The following ADAMTS16 variants were observed in gnomAD, a reference collection of about 807,000 sequenced individuals.
ADAMTS16 encodes ADAM metallopeptidase with thrombospondin type 1 motif 16, also known as A disintegrin and metalloproteinase with thrombospondin motifs 16.
In ADAMTS16, 94 loss-of-function variants were observed where a neutral mutation model predicts 145.8. That is an observed-to-expected ratio of 0.64 (90% CI 0.55 to 0.77). The LOEUF is 0.77. ADAMTS16 is among the 30% of genes least tolerant of loss of function. ADAMTS16 has a pLI of 0.00. For synonymous variants in ADAMTS16, 659 were observed against 604.3 expected (o/e 1.09, Z -1.33); for missense variants, 1,585 against 1,591.5 (o/e 1.00, Z 0.07).
chr5:5,239,085 T>C, intron 14 of ADAMTS16, 66 bp from the exon 15 acceptor site: 1 of 1,384,198 alleles, frequency 7.2e-7, no homozygotes, highest in East Asian at 2.7e-5. Context: ...TTGCATGAGA[T>C]TGGTGACAGT....
At chr5:5,157,522 ACATGATG>A (rs971198146) in intron 3 of ADAMTS16, among the ~76,000 whole-genome samples, 4 of 152,184 alleles carry the variant, frequency 2.6e-5, no homozygotes, top group Non-Finnish European at 5.9e-5. Flanking sequence ...AATAGTAGTG[ACATGATG>A]CATCTGGTGG....
intron 8 of ADAMTS16, among the ~76,000 whole-genome samples, chr5:5,192,688 G>A (rs548792773): frequency 3.3e-5 from 5 of 152,258 alleles, no homozygotes; most frequent in South Asian, 4.1e-4. Flanking sequence ...AGCAATGGGC[G>A]GTGGGTCATT....
chr5:5,227,689 G>A (rs17839188), intron 11 of ADAMTS16, among the ~76,000 whole-genome samples: 19,266 of 152,184 alleles, frequency 0.13, 1,227 homozygotes, highest in East Asian at 0.17. Flanking sequence ...AATAACAAAA[G>A]ATGTAAAAAC....
At chr5:5,273,114 G>A (rs556020347) in intron 18 of ADAMTS16, among the ~76,000 whole-genome samples, 11 of 152,290 alleles carry the variant, frequency 7.2e-5, no homozygotes, top group African/African-American at 2.4e-4. Flanking sequence ...AGAAGCCACC[G>A]TGCTGAGGCC....
At chr5:5,187,432 T>TGTC (rs1170054950) in intron 5 of ADAMTS16, among the ~76,000 whole-genome samples, 1 of 152,224 alleles carries the variant, frequency 6.6e-6, no homozygotes, top group Non-Finnish European at 1.5e-5. Flanking sequence ...GATTGGCTTC[T>TGTC]GTCATCATCA....
intron 10 of ADAMTS16, among the ~76,000 whole-genome samples, chr5:5,218,637 T>C (rs11749815): frequency 0.16 from 24,634 of 152,218 alleles, 2,371 homozygotes; most frequent in Middle Eastern, 0.24. Flanking sequence ...TTTCCCAGTG[T>C]ACTGGAAAAA....
chr5:5,287,668 T>G (rs1739152331), intron 18 of ADAMTS16, among the ~76,000 whole-genome samples: 1 of 152,234 alleles, frequency 6.6e-6, no homozygotes, highest in South Asian at 2.1e-4. Context: ...ATATTGATGT[T>G]GATTTCACGG....
intron 3 of ADAMTS16, among the ~76,000 whole-genome samples, chr5:5,174,479 G>T (rs1735134350): frequency 6.6e-6 from 1 of 151,684 alleles, no homozygotes; most frequent in African/African-American, 2.4e-5. Context: ...TCTTGTACTT[G>T]GGTTTTGATA....
rs781290531 is a variant in ADAMTS16 at position 5,148,860 on chromosome 5, C to G, written c.501+2405C>G. Among the ~76,000 whole-genome samples, 7 of 152,102 alleles carry G rather than the reference C, an allele frequency of 4.6e-5. No homozygotes were observed. In the East Asian group the frequency reaches 5.8e-4, roughly 13 times the overall value. ...GGCAAGTCCCTTACGGGGGAGGAAACGGGGACAGGCATGGGAGCCAGAAGG... is the reference window on the plus strand; with the variant it reads ...GGCAAGTCCCTTACGGGGGAGGAAAGGGGGACAGGCATGGGAGCCAGAAGG... On this transcript the variant is annotated intron_variant, in intron 3 of 22. Coordinates refer to ENST00000274181, the MANE Select transcript of ADAMTS16 (RefSeq NM_139056.4).
At chr5:5,274,758 A>G (rs1419626885) in intron 18 of ADAMTS16, among the ~76,000 whole-genome samples, 1 of 152,086 alleles carries the variant, frequency 6.6e-6, no homozygotes, top group African/African-American at 2.4e-5. Context: ...ATACACATAT[A>G]TGTATATCAT....
intron 9 of ADAMTS16, among the ~76,000 whole-genome samples, chr5:5,204,626 T>C (rs1212241018): frequency 6.6e-6 from 1 of 152,264 alleles, no homozygotes; most frequent in African/African-American, 2.4e-5. Flanking sequence ...CTTAGTTATG[T>C]TGCATATAAT....
chr5:5,186,375 A>G, intron 5 of ADAMTS16, 124 bp downstream of exon 5: 2 of 886,028 alleles, frequency 2.3e-6, no homozygotes, highest in South Asian at 1.6e-5. Context: ...TGTTCCATAT[A>G]TGAGAAATAT....
intron 17 of ADAMTS16, among the ~76,000 whole-genome samples, chr5:5,261,142 T>A (rs2126428681): frequency 6.6e-6 from 1 of 152,326 alleles, no homozygotes; most frequent in African/African-American, 2.4e-5. Flanking sequence ...TATCCCCTAC[T>A]GCATCAACTC....
rs796277454 is a variant in ADAMTS16 at position 5,301,626 on chromosome 5, G to A, written c.2790-1642G>A. ...GGCTGCTGCCAGAGGCACCTCCGGA[G>A]TTCCTGGCCAAGCTCTCTGGGCTTC... On this transcript the variant is annotated intron_variant, in intron 18 of 22. Coordinates refer to ENST00000274181, the MANE Select transcript of ADAMTS16 (RefSeq NM_139056.4). 1.2e-4 allele frequency among the ~76,000 whole-genome samples: 18 copies of A among 152,342 alleles called. No individual in the cohort carries two copies. In the East Asian group the frequency reaches 3.1e-3, roughly 26 times the overall value.
At chr5:5,296,370 G>A (rs549620252) in intron 18 of ADAMTS16, among the ~76,000 whole-genome samples, 2 of 152,294 alleles carry the variant, frequency 1.3e-5, no homozygotes, top group South Asian at 2.1e-4. Flanking sequence ...CGGAGGAATC[G>A]GTTGACCGGA....
In ADAMTS16 at chr5:5,319,389, C is replaced by T. The variant is rs903164437; in HGVS notation, c.*251C>T. 34 of 492,874 alleles carry T rather than the reference C, an allele frequency of 6.9e-5. No individual in the cohort carries two copies. The highest frequency in any genetic ancestry group is 4.5e-4 in the African/African-American group (23 of 51,402). 30.5% of individuals were successfully genotyped at this position (492,874 alleles called of 1,614,324 possible). A position where few individuals can be genotyped will look rare whatever the true frequency, so the allele number is the denominator to read the frequency against. On this transcript the variant is annotated 3_prime_UTR_variant, in exon 23 of 23. Coordinates refer to ENST00000274181, the MANE Select transcript of ADAMTS16 (RefSeq NM_139056.4). ...CACCCTGGCAGACAGAGCTGTGGCT[C>T]GTGAGGCAGAAGGCAGGCACCACAA...
At chr5:5,316,979 C>T (rs1436677945) in intron 21 of ADAMTS16, among the ~76,000 whole-genome samples, 1 of 152,212 alleles carries the variant, frequency 6.6e-6, no homozygotes, top group African/African-American at 2.4e-5. Flanking sequence ...AGACACTTCT[C>T]CTTCTATCCA....
chr5:5,313,885 TCCCAC>T (rs1035294846), intron 21 of ADAMTS16, among the ~76,000 whole-genome samples: 1 of 152,198 alleles, frequency 6.6e-6, no homozygotes, highest in Non-Finnish European at 1.5e-5. Flanking sequence ...TGATCTAGTC[TCCCAC>T]CTCTGATAAT....
chr5:5,272,738 C>T (rs1336258254), intron 18 of ADAMTS16, among the ~76,000 whole-genome samples: 1 of 152,182 alleles, frequency 6.6e-6, no homozygotes, highest in Non-Finnish European at 1.5e-5. Context: ...GTCAGGGTGG[C>T]AGGCAGCCCC....
Sources: gnomAD v4.1 joint callset for allele counts (sites outside exome capture counted in the v4.1 genomes callset) on GRCh38, gnomAD v4.1.1 for gene constraint, MANE v1.5 for transcripts, NCBI Gene and HGNC (gene_info 2026-07-23, HGNC 2026-07-21) for gene names.